Variants in ADCY3 observed in about 807,000 individuals in gnomAD.
ADCY3 encodes the protein adenylate cyclase type 3.
Under a neutral mutation model 119.4 loss-of-function variants are expected in ADCY3, and 70 were observed. The observed-to-expected ratio is 0.59, with a 90% CI of 0.48 to 0.72. The LOEUF is 0.72. ADCY3 is among the 30% of genes least tolerant of loss of function. The probability of loss-of-function intolerance (pLI) is 0.00; values close to 1 mark genes in which losing one functional copy is unlikely to be tolerated. For synonymous variants in ADCY3, 672 were observed against 621.4 expected (o/e 1.08, Z -1.21); for missense variants, 1,238 against 1,541.6 (o/e 0.80, Z 3.30).
intron 2 of ADCY3, among the ~76,000 whole-genome samples, chr2:24,881,956 C>T (rs960495240): frequency 4.6e-5 from 7 of 152,268 alleles, no homozygotes; most frequent in Admixed American, 1.3e-4. Flanking sequence ...CAAATGTCAA[C>T]GGAGCCAACG....
intron 2 of ADCY3, among the ~76,000 whole-genome samples, chr2:24,883,898 T>C (rs1676703549): frequency 6.6e-6 from 1 of 152,232 alleles, no homozygotes; most frequent in South Asian, 2.1e-4. Flanking sequence ...ATTCCAAAAC[T>C]TCCTACCTTT....
Position 24,820,034 on chromosome 2 carries a change from CT to C in ADCY3, c.3332del (p.Lys1111ArgfsTer5). The C allele has an allele frequency of 6.2e-7, 1 of 1,609,090 alleles. No individual in the cohort carries two copies. The highest frequency in any genetic ancestry group is 1.1e-5 in the South Asian group (1 of 90,498). On this transcript the variant is annotated frameshift_variant, in exon 22 of 22. Transcript: ENST00000679454. LOFTEE classifies it high-confidence loss of function. The stretch of plus-strand genomic sequence containing the variant: ...TCAAGAAGAAGGTCAGCAGCTCCCC[CT>C]TCCCCTTCACAAAGATGGGGCCTCG... ...VRRGPIFVKGKGELLTFFLKG... is the reference protein window; with the variant it reads ...VRRGPIFVKGXGELLTFFLKG...
chr2:24,862,757 T>A (rs1445336792), intron 3 of ADCY3, among the ~76,000 whole-genome samples: 2 of 152,106 alleles, frequency 1.3e-5, no homozygotes, highest in Non-Finnish European at 2.9e-5. Context: ...TCTAACTGCA[T>A]ATCTAATTTA....
rs1455651426 is a variant in ADCY3, at chr2:24,820,020, G to A, written c.3347C>T (p.Thr1116Ile). Reference sequence around the variant, plus strand: ...CTTATCCCGCCCCTTCAAGAAGAAGGTCAGCAGCTCCCCCTTCCCCTTCAC... The same window carrying A: ...CTTATCCCGCCCCTTCAAGAAGAAGATCAGCAGCTCCCCCTTCCCCTTCAC... Reference protein sequence around the residue: ...IFVKGKGELLTFFLKGRDKLA... With the variant: ...IFVKGKGELLIFFLKGRDKLA... Residue 1116 changes from threonine to isoleucine, a missense_variant, in exon 22 of 22, where the codon ACC (threonine) becomes ATC (isoleucine). By Grantham distance (89) the Thr-to-Ile change is moderately conservative. This residue lies in a region of ADCY3 where 86 missense variants were observed against 70.7 expected (regional missense o/e 1.22). Transcript: ENST00000679454. 1.2e-6 allele frequency: 2 copies of A among 1,612,244 alleles called. No homozygotes were observed. Among genetic ancestry groups the A allele is most frequent in the South Asian group, 1.1e-5 (1 of 90,858 alleles).
chr2:24,918,198 AG>A lies in ADCY3; in HGVS notation c.675+114del. 6.9e-6 allele frequency: 8 copies of A among 1,166,778 alleles called. No homozygotes were observed. The highest frequency in any genetic ancestry group is 9.6e-6 in the Non-Finnish European group (8 of 830,386). The allele number at this position is 1,166,778 out of a possible 1,614,324, so 72.3% of individuals were successfully genotyped here. Reference sequence around the variant, plus strand: ...CTAGGGAGAGAGGTGAGAGCCCCGGAGGCCCCCAGGACACATTTTGACTCAA... The same window carrying A: ...CTAGGGAGAGAGGTGAGAGCCCCGGAGCCCCCAGGACACATTTTGACTCAA... On this transcript the variant is annotated intron_variant, in intron 2 of 21. Coordinates refer to ENST00000679454, the MANE Select transcript of ADCY3 (RefSeq NM_004036.5). The surrounding 1 kb of genome is among the most constrained non-coding windows in gnomAD (Gnocchi z 5.4).
Position 24,918,863 on chromosome 2 carries a change from T to C in ADCY3, c.125A>G (p.Asn42Ser), listed in dbSNP as rs759499561. 6.2e-7 allele frequency: 1 copy of C among 1,613,086 alleles called. No individual in the cohort carries two copies. The highest frequency in any genetic ancestry group is 1.3e-5 in the African/African-American group (1 of 75,018). ...AGGCAGGCACAGGCAGGAGCCCGAG[T>C]TCCGGACCGAGATTTCATGGGTCCG... ...VGRTHEISVR[N>S]SGSCLCLPRF... is the part of the protein sequence containing the mutation. The change falls in exon 2 of 22, where the codon AAC becomes AGC. Residue 42 changes from asparagine (N) to serine (S), a missense_variant. Asn to Ser is a conservative substitution (Grantham distance 46). Transcript: ENST00000679454. The surrounding 1 kb of genome is among the most constrained non-coding windows in gnomAD (Gnocchi z 5.4).
At chr2:24,862,091 C>T (rs917582233) in intron 3 of ADCY3, among the ~76,000 whole-genome samples, 1 of 152,174 alleles carries the variant, frequency 6.6e-6, no homozygotes, top group African/African-American at 2.4e-5. Flanking sequence ...CCAAGATGAC[C>T]AGCGGGGTCA....
In ADCY3 at chr2:24,827,976, G is replaced by A. The variant is rs779982153; in HGVS notation, c.2358C>T (p.Ala786=). 1.8e-5 allele frequency: 29 copies of A among 1,614,122 alleles called. No individual in the cohort carries two copies. In the East Asian group the frequency reaches 2.4e-4, roughly 14 times the overall value. Residue 786 remains alanine, a synonymous_variant, in exon 14 of 22, where the codon GCC becomes GCT. Coordinates refer to ENST00000679454, the MANE Select transcript of ADCY3 (RefSeq NM_004036.5). ...AGGCATAGAGGTTGATGGTGGCCAC[G>A]GCGCCTGCGACGAGCAGCATGAGCG... ...KLTLMLLVAG[A]VATINLYAWR... is the part of the protein sequence containing the mutation.
At chr2:24,851,448 A>T (rs747336152) in intron 3 of ADCY3, among the ~76,000 whole-genome samples, 9 of 152,196 alleles carry the variant, frequency 5.9e-5, no homozygotes, top group Non-Finnish European at 1.3e-4. Context: ...TTTATGTGCA[A>T]TATTGTCTCA....
At chr2:24,838,965 CAG>C (rs1456994828) in intron 7 of ADCY3, 9 of 1,165,372 alleles carry the variant, frequency 7.7e-6, no homozygotes, top group Non-Finnish European at 9.3e-6. Context: ...TTTTTTGAGA[CAG>C]AGTCTTGTTC....
rs1037598450 is a variant in ADCY3 at position 24,826,338 on chromosome 2, C to G, written c.2496-212G>C. The G allele has an allele frequency of 1.5e-5, 8 of 549,510 alleles. No homozygotes were observed. In the Admixed American group the frequency reaches 2.3e-4, roughly 16 times the overall value. 34.0% of individuals were successfully genotyped at this position (549,510 alleles called of 1,614,324 possible). A position where few individuals can be genotyped will look rare whatever the true frequency, so the allele number is the denominator to read the frequency against. The stretch of plus-strand genomic sequence containing the variant: ...TCTCCAACAGCCAGGCAACCCCTGG[C>G]CCCTCCTGGCTGCACCTGGTATTCA... On this transcript the variant is annotated intron_variant, in intron 15 of 21. Transcript: ENST00000679454.
rs1042812959 is a variant in ADCY3, at chr2:24,830,712, G to A, written c.2169C>T (p.Asp723=). The A allele has an allele frequency of 6.2e-7, 1 of 1,613,476 alleles. No individual in the cohort carries two copies. The highest frequency in any genetic ancestry group is 8.5e-7 in the Non-Finnish European group (1 of 1,179,552). Reference sequence around the variant, plus strand: ...AACAAGGACAGCAGGAGCTCACCATGTCCACGACATTTGCCATCACCAGGA... The same window carrying A: ...AACAAGGACAGCAGGAGCTCACCATATCCACGACATTTGCCATCACCAGGA... ...IFILVMANVV[D]MLSCLQYYTG... is the part of the protein sequence containing the mutation. The change falls in exon 13 of 22, where the codon GAC becomes GAT. Residue 723 remains aspartate, a synonymous_variant. Transcript: ENST00000679454.
At chr2:24,832,163 C>A in intron 11 of ADCY3, 1 of 215,256 alleles carries the variant, frequency 4.6e-6, no homozygotes, top group Non-Finnish European at 9.4e-6. Flanking sequence ...ATTGCTGCTG[C>A]CTGCCGTGCA....
chr2:24,915,265 G>C (rs939590324), intron 2 of ADCY3, among the ~76,000 whole-genome samples: 2 of 152,208 alleles, frequency 1.3e-5, no homozygotes, highest in African/African-American at 4.8e-5. Flanking sequence ...ACAGGGGATG[G>C]GAGAGAGAAA....
chr2:24,819,744 T>TA lies in ADCY3; in HGVS notation c.*187dup. ...CCTAAGACCCCTATGCTGGGGACACTACAGGCACACACAGGAATAGCAGGG... is the reference window on the plus strand; with the variant it reads ...CCTAAGACCCCTATGCTGGGGACACTAACAGGCACACACAGGAATAGCAGGG... On this transcript the variant is annotated 3_prime_UTR_variant, in exon 22 of 22. Transcript: ENST00000679454. 1 of 630,604 alleles carries TA rather than the reference T, an allele frequency of 1.6e-6. No homozygotes were observed. Among genetic ancestry groups the TA allele is most frequent in the Non-Finnish European group, 2.8e-6 (1 of 361,794 alleles). The allele number at this position is 630,604 out of a possible 1,614,324, so 39.1% of individuals were successfully genotyped here. A position where few individuals can be genotyped will look rare whatever the true frequency, so the allele number is the denominator to read the frequency against.
chr2:24,839,868 C>G lies in ADCY3; in HGVS notation c.1355+5G>C. ...TCAAACCTGCCCCCTTGGAATGGCA[C>G]TCACCCAGGGATGCCGCCGGCCTCC... is the stretch of plus-strand genomic sequence containing the variant. On this transcript the variant is annotated splice_donor_5th_base_variant and intron_variant, in intron 7 of 21. Coordinates refer to ENST00000679454, the MANE Select transcript of ADCY3 (RefSeq NM_004036.5). 6.2e-7 allele frequency: 1 copy of G among 1,613,778 alleles called. No individual in the cohort carries two copies. Among genetic ancestry groups the G allele is most frequent in the Non-Finnish European group, 8.5e-7 (1 of 1,180,000 alleles).
At chr2:24,871,082 G>C (rs544484105) in intron 3 of ADCY3, among the ~76,000 whole-genome samples, 1 of 151,546 alleles carries the variant, frequency 6.6e-6, no homozygotes, top group Non-Finnish European at 1.5e-5. Context: ...GCTGAAAACT[G>C]CGCAAATGTT....
intron 12 of ADCY3, among the ~76,000 whole-genome samples, chr2:24,831,446 G>A (rs80328088): frequency 0.029 from 4,455 of 152,292 alleles, 74 homozygotes; most frequent in South Asian, 0.051. Flanking sequence ...CGGCCCAGCC[G>A]TGGCCCACCA....
In ADCY3 at chr2:24,858,301, A is replaced by G. The variant is rs544954989; in HGVS notation, c.825+14269T>C. On this transcript the variant is annotated intron_variant, in intron 3 of 21. Coordinates refer to ENST00000679454, the MANE Select transcript of ADCY3 (RefSeq NM_004036.5). ...GCAACCTTTGTTGACAGATCTTTCC[A>G]TTTTCTAAGTGAGTCAAAAATCCAG... is the stretch of plus-strand genomic sequence containing the variant. Among the ~76,000 whole-genome samples, 9 of 152,220 alleles carry G rather than the reference A, an allele frequency of 5.9e-5. No individual in the cohort carries two copies. The South Asian group carries it at 1.9e-3, about 32-fold the overall frequency.
Sources: allele counts gnomAD v4.1 joint callset (sites outside exome capture counted in the v4.1 genomes callset), GRCh38; gene constraint gnomAD v4.1.1; regional missense constraint gnomAD v4.1.1; non-coding constraint Gnocchi (gnomAD v3.1); transcripts MANE v1.5; gene names NCBI Gene and HGNC (gene_info 2026-07-23, HGNC 2026-07-21).